PRKN: variants seen among roughly 807,000 people sequenced by gnomAD.
The protein encoded by PRKN is E3 ubiquitin-protein ligase parkin.
PRKN carries 56 observed loss-of-function variants against 59.5 expected under a neutral mutation model. The observed-to-expected ratio is 0.94, with a 90% CI of 0.76 to 1.18. The LOEUF (loss-of-function observed/expected upper bound fraction) is 1.18. Ranked by LOEUF, PRKN falls within the 50% of genes most tolerant of loss-of-function variation. The pLI, the probability that PRKN is intolerant of heterozygous loss-of-function variation, is 0.00. For synonymous variants in PRKN, 250 were observed against 222.1 expected (o/e 1.13, Z -1.12); for missense variants, 657 against 596.4 (o/e 1.10, Z -1.06).
intron 1 of PRKN, among the ~76,000 whole-genome samples, chr6:162,666,236 A>C (rs1779098408): frequency 6.6e-6 from 1 of 152,186 alleles, no homozygotes; most frequent in Non-Finnish European, 1.5e-5. Context: ...TGTGGTTAGA[A>C]TGCGGCATGC....
intron 2 of PRKN, among the ~76,000 whole-genome samples, chr6:162,416,195 G>T (rs1788622678): frequency 6.6e-6 from 1 of 152,052 alleles, no homozygotes; most frequent in African/African-American, 2.4e-5. Flanking sequence ...GTGAGTATTT[G>T]TTTGCACATT....
chr6:161,925,119 T>C (rs924801172), intron 6 of PRKN, among the ~76,000 whole-genome samples: 1 of 152,210 alleles, frequency 6.6e-6, no homozygotes, highest in Non-Finnish European at 1.5e-5. Context: ...GGCTTATGAA[T>C]GAAAATTTTC....
At chr6:162,696,388 A>C (rs1777966890) in intron 1 of PRKN, among the ~76,000 whole-genome samples, 1 of 152,056 alleles carries the variant, frequency 6.6e-6, no homozygotes, top group Admixed American at 6.6e-5. Context: ...TTTTCTCTTA[A>C]AACTTCTGTT....
intron 4 of PRKN, among the ~76,000 whole-genome samples, chr6:162,178,442 C>A (rs774530009): frequency 2.3e-4 from 35 of 152,300 alleles, no homozygotes; most frequent in Non-Finnish European, 4.6e-4. Context: ...ACCTGACAGG[C>A]CCAGAGGATG....
At chr6:162,066,685 A>G (rs1330413786) in intron 4 of PRKN, among the ~76,000 whole-genome samples, 1 of 152,142 alleles carries the variant, frequency 6.6e-6, no homozygotes, top group African/African-American at 2.4e-5. Flanking sequence ...CCAGGCCTTG[A>G]CCTGCTGGGG....
rs924107573 is a variant in PRKN, at chr6:161,560,178, T to G, written c.933+9177A>C. On this transcript the variant is annotated intron_variant, in intron 8 of 11. Transcript: ENST00000366898. This position sits in a 1 kb window ranked among gnomAD's most constrained non-coding sequence, Gnocchi z 4.9. ...TCCTAAGCCTTTTTTCTGTGTCCCC[T>G]GAAATTCCTGTTCATGATAAACTAA... is the stretch of plus-strand genomic sequence containing the variant. Among the ~76,000 whole-genome samples the G allele has an allele frequency of 6.6e-6, 1 of 152,218 alleles. No individual in the cohort carries two copies. Among genetic ancestry groups the G allele is most frequent in the Non-Finnish European group, 1.5e-5 (1 of 68,044 alleles).
At chr6:162,101,388 G>A (rs1157886302) in intron 4 of PRKN, among the ~76,000 whole-genome samples, 2 of 151,696 alleles carry the variant, frequency 1.3e-5, no homozygotes, top group African/African-American at 4.8e-5. Flanking sequence ...AATTGACTGG[G>A]CCAGGCGCGG....
At chr6:162,130,531 A>G (rs1781309731) in intron 4 of PRKN, among the ~76,000 whole-genome samples, 1 of 152,118 alleles carries the variant, frequency 6.6e-6, no homozygotes, top group South Asian at 2.1e-4. Context: ...GATTGGCTGT[A>G]GTGTGCATTC....
chr6:161,507,192 G>A (rs1350253587), intron 9 of PRKN, among the ~76,000 whole-genome samples: 5 of 152,348 alleles, frequency 3.3e-5, no homozygotes, highest in South Asian at 2.1e-4. Context: ...GAAGGTGTGC[G>A]GAACCCATTC....
chr6:161,469,287 C>A (rs2115187269), intron 9 of PRKN, among the ~76,000 whole-genome samples: 1 of 152,268 alleles, frequency 6.6e-6, no homozygotes, highest in African/African-American at 2.4e-5. Context: ...CTTCACTGGG[C>A]ACCCATTCTC....
chr6:162,557,040 T>C (rs1165427313), intron 1 of PRKN, among the ~76,000 whole-genome samples: 2 of 152,172 alleles, frequency 1.3e-5, no homozygotes, highest in Admixed American at 1.3e-4. Context: ...AGGCACCACC[T>C]CTACCTTATG....
At chr6:161,909,966 T>C (rs550803517) in intron 6 of PRKN, among the ~76,000 whole-genome samples, 28 of 152,046 alleles carry the variant, frequency 1.8e-4, no homozygotes, top group Non-Finnish European at 3.5e-4. Flanking sequence ...GAAAACAACA[T>C]TCATGATTCA....
chr6:162,540,236 T>G (rs1778875144), intron 1 of PRKN, among the ~76,000 whole-genome samples: 1 of 152,028 alleles, frequency 6.6e-6, no homozygotes, highest in Admixed American at 6.5e-5. Context: ...TATTTTTTAT[T>G]TTTTATTTTT....
rs151305230 is a variant in PRKN at position 162,691,546 on chromosome 6, A to G, written c.7+36116T>C. 6.1e-3 allele frequency among the ~76,000 whole-genome samples: 921 copies of G among 152,112 alleles called. 7 individuals are homozygous for G. Among genetic ancestry groups the G allele is most frequent in the Middle Eastern group, 0.041 (12 of 294 alleles). On this transcript the variant is annotated intron_variant, in intron 1 of 11. Transcript: ENST00000366898. Reference sequence around the variant, plus strand: ...CAATTATCTCATTGGATATCCAAAGAAAAAAAAGGTTCTACATCTCAAGAA... The same window carrying G: ...CAATTATCTCATTGGATATCCAAAGGAAAAAAAGGTTCTACATCTCAAGAA...
chr6:161,984,403 G>A lies in PRKN; in HGVS notation c.619-10986C>T, dbSNP rs144671639. ...CTCCCGAGTAGCTGGGATTACAGGC[G>A]TGTGCTACCATGCTGGGTTAATTTT... On this transcript the variant is annotated intron_variant, in intron 5 of 11. Coordinates refer to ENST00000366898, the MANE Select transcript of PRKN (RefSeq NM_004562.3). Among the ~76,000 whole-genome samples the A allele has an allele frequency of 2.4e-3, 368 of 152,174 alleles. 4 individuals carry two copies. Among genetic ancestry groups the A allele is most frequent in the African/African-American group, 8.0e-3 (331 of 41,522 alleles).
chr6:162,553,849 G>GGAAAAAAAAAAAAAA (rs1779436848), intron 1 of PRKN, among the ~76,000 whole-genome samples: 1 of 52,158 alleles, frequency 1.9e-5, no homozygotes, highest in Non-Finnish European at 3.6e-5. Context: ...AAAAAAAAAA[G>GGAAAAAAAAAAAAAA]GGTAAAAGTG....
chr6:161,793,317 C>T (rs183738285), intron 6 of PRKN, among the ~76,000 whole-genome samples: 116 of 152,238 alleles, frequency 7.6e-4, no homozygotes, highest in African/African-American at 2.6e-3. Context: ...CTAACTACCC[C>T]TTCTGGTTTT....
chr6:161,873,346 A>G (rs938987138), intron 6 of PRKN, among the ~76,000 whole-genome samples: 8 of 151,994 alleles, frequency 5.3e-5, no homozygotes, highest in African/African-American at 1.4e-4. Context: ...ATCCTGGGGC[A>G]TAAGTTATAC....
intron 4 of PRKN, among the ~76,000 whole-genome samples, chr6:162,114,720 T>C (rs1414006750): frequency 2.0e-5 from 3 of 149,460 alleles, no homozygotes; most frequent in African/African-American, 7.5e-5. Context: ...AAGACATTTA[T>C]GCAGCCAAAA....
Sources: gnomAD v4.1 joint callset for allele counts (sites outside exome capture counted in the v4.1 genomes callset) on GRCh38, gnomAD v4.1.1 for gene constraint, Gnocchi (gnomAD v3.1) non-coding constraint, MANE v1.5 for transcripts, NCBI Gene and HGNC (gene_info 2026-07-23, HGNC 2026-07-21) for gene names.